The following ACAD11 variants were observed in gnomAD, a reference collection of about 807,000 sequenced individuals.
ACAD11 encodes the protein acyl-Coenzyme A dehydrogenase family, member 11.
In ACAD11, 83 loss-of-function variants were observed where a neutral mutation model predicts 102.2. That is an observed-to-expected ratio of 0.81 (90% CI 0.68 to 0.97). The LOEUF is 0.97. Among genes scored for constraint, ACAD11 ranks in the 50% least tolerant of loss-of-function variants. The pLI is 0.00. For synonymous variants in ACAD11, 324 were observed against 319.8 expected (o/e 1.01, Z -0.14); for missense variants, 901 against 951.7 (o/e 0.95, Z 0.70).
At chr3:132,618,549 T>C in intron 11 of ACAD11, 85 bp downstream of exon 11, 1 of 1,207,614 alleles carries the variant, frequency 8.3e-7, no homozygotes, top group South Asian at 2.5e-5. Context: ...TAACTTTGTA[T>C]AAAAACACAT....
At chr3:132,637,898 A>G (rs1360374428) in intron 5 of ACAD11, among the ~76,000 whole-genome samples, 2 of 152,190 alleles carry the variant, frequency 1.3e-5, no homozygotes, top group Non-Finnish European at 2.9e-5. Context: ...AAAATTAAAC[A>G]TGCTGTTGTT....
At chr3:132,636,847 G>C (rs12491543) in intron 5 of ACAD11, among the ~76,000 whole-genome samples, 14,763 of 152,160 alleles carry the variant, frequency 0.097, 1,351 homozygotes, top group East Asian at 0.53. Context: ...CTAGAAAGCA[G>C]GCTATGCTGG....
chr3:132,641,710 A>G (rs571530893), intron 4 of ACAD11, among the ~76,000 whole-genome samples: 46 of 142,094 alleles, frequency 3.2e-4, no homozygotes, highest in South Asian at 9.3e-4. Context: ...AAGAAGAAGA[A>G]GAAGAAGAAG....
intron 13 of ACAD11, among the ~76,000 whole-genome samples, chr3:132,583,726 T>C (rs200250738): frequency 6.6e-6 from 1 of 152,212 alleles, no homozygotes; most frequent in Non-Finnish European, 1.5e-5. Flanking sequence ...TTTGAATGTG[T>C]CCCAGAGATT....
intron 7 of ACAD11, 67 bp downstream of exon 7, chr3:132,630,370 C>A: frequency 6.8e-7 from 1 of 1,461,778 alleles, no homozygotes. Context: ...ACCCGGAAGA[C>A]TGGAAAACAT....
chr3:132,578,778 T>C lies in ACAD11; in HGVS notation c.1774+18A>G, dbSNP rs1937558099. On this transcript the variant is annotated intron_variant, in intron 15 of 19. Coordinates refer to ENST00000264990, the MANE Select transcript of ACAD11 (RefSeq NM_032169.5). Reference sequence around the variant, plus strand: ...CTTCCTGCTTGCTAATGCATGGTCATATTTATTGGATACCTACCTGTGTAG... The same window carrying C: ...CTTCCTGCTTGCTAATGCATGGTCACATTTATTGGATACCTACCTGTGTAG... The C allele has an allele frequency of 1.9e-6, 3 of 1,611,040 alleles. No homozygotes were observed. Among genetic ancestry groups the C allele is most frequent in the African/African-American group, 1.3e-5 (1 of 74,742 alleles).
At chr3:132,645,640 C>T (rs919170041) in intron 1 of ACAD11, among the ~76,000 whole-genome samples, 1 of 152,134 alleles carries the variant, frequency 6.6e-6, no homozygotes, top group South Asian at 2.1e-4. Context: ...ACAGAAGAAT[C>T]AATCCTTAAG....
In ACAD11 at chr3:132,585,469, T is replaced by G. The variant is rs183076811; in HGVS notation, c.1622-5911A>C. On this transcript the variant is annotated intron_variant, in intron 13 of 19. Coordinates refer to ENST00000264990, the MANE Select transcript of ACAD11 (RefSeq NM_032169.5). ...CATGTCTAAAACACCAAAAGCAATG[T>G]CAACAAAAGACAAAATTGACTTCAA... 1.5e-3 allele frequency among the ~76,000 whole-genome samples: 230 copies of G among 152,148 alleles called. 2 individuals carry two copies. The highest frequency in any genetic ancestry group is 4.8e-3 in the African/African-American group (198 of 41,516).
Position 132,559,898 on chromosome 3 carries a change from G to A in ACAD11, c.2163C>T (p.Ile721=), listed in dbSNP as rs529367267. ...KVAAPRAVSK[I]VDWAIQVCGG... ...CGCACACCTGGATGGCCCAGTCAAC[G>A]ATTTTGCTGACAGCCCGTGGGGCAG... Residue 721 remains isoleucine (I), a synonymous_variant, in exon 19 of 20, where the codon ATC becomes ATT. Coordinates refer to ENST00000264990, the MANE Select transcript of ACAD11 (RefSeq NM_032169.5). 55 of 1,613,598 alleles carry A rather than the reference G, an allele frequency of 3.4e-5. 1 individual carries two copies. The highest frequency in any genetic ancestry group is 1.6e-4 in the South Asian group (15 of 91,010).
At chr3:132,640,140 G>A (rs1940433695) in intron 4 of ACAD11, among the ~76,000 whole-genome samples, 1 of 151,170 alleles carries the variant, frequency 6.6e-6, no homozygotes, top group Non-Finnish European at 1.5e-5. Context: ...TTGAGACAGA[G>A]TCTCGCTCTG....
chr3:132,604,139 T>C (rs967768658), intron 12 of ACAD11, among the ~76,000 whole-genome samples: 1 of 152,200 alleles, frequency 6.6e-6, no homozygotes, highest in Non-Finnish European at 1.5e-5. Context: ...CTGTTATCTG[T>C]AGTTTTGCTG....
chr3:132,621,883 G>A lies in ACAD11; in HGVS notation c.1198-2338C>T, dbSNP rs138658901. The stretch of plus-strand genomic sequence containing the variant: ...AGTCCCAGCTACTCAGGAGGCTGAG[G>A]CGGGAGAATCACTTGAACCCAGGAA... On this transcript the variant is annotated intron_variant, in intron 9 of 19. Coordinates refer to ENST00000264990, the MANE Select transcript of ACAD11 (RefSeq NM_032169.5). Among the ~76,000 whole-genome samples the A allele has an allele frequency of 3.0e-4, 45 of 151,716 alleles. No individual in the cohort carries two copies. The East Asian group carries it at 7.8e-3, about 26-fold the overall frequency.
chr3:132,561,237 A>C lies in ACAD11; in HGVS notation c.2002-20T>G. ...AACCTCCTATAGGGGAGGAAAAGGC[A>C]GCAAAAGAAGGAGGAGCTAAGCTGG... On this transcript the variant is annotated intron_variant, in intron 17 of 19. Transcript: ENST00000264990. 1 of 1,590,326 alleles carries C rather than the reference A, an allele frequency of 6.3e-7. No individual in the cohort carries two copies. Among genetic ancestry groups the C allele is most frequent in the Non-Finnish European group, 8.6e-7 (1 of 1,159,014 alleles).
intron 15 of ACAD11, 81 bp from the exon 16 acceptor site, chr3:132,577,096 T>C (rs1378027495): frequency 9.5e-6 from 8 of 846,332 alleles, no homozygotes; most frequent in Non-Finnish European, 9.6e-6. Flanking sequence ...TGAAATATAA[T>C]TACTTGAAGA....
chr3:132,609,239 A>T (rs1365001168), intron 11 of ACAD11, among the ~76,000 whole-genome samples: 1 of 152,202 alleles, frequency 6.6e-6, no homozygotes, highest in African/African-American at 2.4e-5. Flanking sequence ...GAACTAGAGA[A>T]GCAAGCCAAA....
chr3:132,642,795 C>CT lies in ACAD11; in HGVS notation c.256dup (p.Arg86LysfsTer4). The CT allele has an allele frequency of 6.2e-7, 1 of 1,609,850 alleles. No individual in the cohort carries two copies. The highest frequency in any genetic ancestry group is 1.1e-5 in the South Asian group (1 of 89,956). On this transcript the variant is annotated frameshift_variant, in exon 3 of 20. Coordinates refer to ENST00000264990, the MANE Select transcript of ACAD11 (RefSeq NM_032169.5). LOFTEE classifies it high-confidence loss of function. Reference sequence around the variant, plus strand: ...CAAGGCTTTCTGGACTTTAAATTCTCTATCAATCTAAATAGGATGATGAAT... The same window carrying CT: ...CAAGGCTTTCTGGACTTTAAATTCTCTTATCAATCTAAATAGGATGATGAAT...
chr3:132,624,636 T>A (rs1331779469), intron 9 of ACAD11, among the ~76,000 whole-genome samples: 1 of 148,914 alleles, frequency 6.7e-6, no homozygotes, highest in Non-Finnish European at 1.5e-5. Flanking sequence ...AGGACCCTCC[T>A]CTAGGGCACT....
chr3:132,595,331 G>A (rs1379441708), intron 13 of ACAD11, among the ~76,000 whole-genome samples: 5 of 152,186 alleles, frequency 3.3e-5, no homozygotes, highest in African/African-American at 4.8e-5. Context: ...AGGCAAAGGG[G>A]TGAGTAGTGT....
chr3:132,642,830 T>G, intron 2 of ACAD11, 28 bp from the exon 3 acceptor site: 1 of 1,588,982 alleles, frequency 6.3e-7, no homozygotes, highest in South Asian at 1.2e-5. Context: ...TCATTAAAAA[T>G]CAGAGAAACT....
Sources: gnomAD v4.1 joint callset for allele counts (sites outside exome capture counted in the v4.1 genomes callset) on GRCh38, gnomAD v4.1.1 for gene constraint, MANE v1.5 for transcripts, NCBI Gene and HGNC (gene_info 2026-07-23, HGNC 2026-07-21) for gene names.